The following ROBO1 variants were observed in gnomAD, a reference collection of about 807,000 sequenced individuals.
ROBO1 encodes the protein roundabout guidance receptor 1.
ROBO1 carries 149 observed loss-of-function variants against 195.9 expected under a neutral mutation model. The observed-to-expected ratio is 0.76, with a 90% confidence interval of 0.67 to 0.87. The LOEUF (loss-of-function observed/expected upper bound fraction) is 0.87, where lower values mean the gene tolerates loss of function less well. Ranked by LOEUF, ROBO1 falls within the 40% of genes least tolerant of loss-of-function variation. The pLI, the probability that ROBO1 is intolerant of heterozygous loss-of-function variation, is 0.00. For missense variants in ROBO1, 1,933 were observed against 2,068.3 expected, an observed-to-expected ratio of 0.93 and a Z score of 1.27; for synonymous variants, 816 against 733.2, an observed-to-expected ratio of 1.11 and a Z score of -1.82.
chr3:78,963,509 T>C (rs866705870), intron 3 of ROBO1, among the ~76,000 whole-genome samples: 28 of 135,032 alleles, frequency 2.1e-4, no homozygotes, highest in African/African-American at 5.8e-4. Flanking sequence ...TTTTTTTTTT[T>C]TTTTTTTTTT....
intron 2 of ROBO1, among the ~76,000 whole-genome samples, chr3:79,494,680 C>T (rs1204764852): frequency 6.6e-6 from 1 of 152,030 alleles, no homozygotes; most frequent in African/African-American, 2.4e-5. Context: ...GTAAAGAAAG[C>T]ACTTTTGGCA....
At chr3:79,249,612 T>C (rs761441736) in intron 2 of ROBO1, among the ~76,000 whole-genome samples, 16 of 152,206 alleles carry the variant, frequency 1.1e-4, no homozygotes, top group Non-Finnish European at 2.1e-4. Context: ...CTATATGGCA[T>C]AAGCAAATGT....
chr3:79,650,510 ATTCT>A (rs1287457387), intron 1 of ROBO1, among the ~76,000 whole-genome samples: 6 of 151,770 alleles, frequency 4.0e-5, no homozygotes, highest in Non-Finnish European at 1.5e-5. Context: ...AAAATACATA[ATTCT>A]TTATGTATAT....
At chr3:79,104,104 TG>T (rs2079730499) in intron 3 of ROBO1, among the ~76,000 whole-genome samples, 1 of 151,710 alleles carries the variant, frequency 6.6e-6, no homozygotes, top group Non-Finnish European at 1.5e-5. Context: ...GATTTTGATT[TG>T]TTGGCCGGAA....
At chr3:78,739,119 T>C (rs1242462762) in intron 5 of ROBO1, among the ~76,000 whole-genome samples, 2 of 152,186 alleles carry the variant, frequency 1.3e-5, no homozygotes, top group East Asian at 3.8e-4. Flanking sequence ...ATTTGAAGCA[T>C]GAAAAGATGA....
chr3:79,553,362 C>A (rs1168254440), intron 2 of ROBO1, among the ~76,000 whole-genome samples: 1 of 152,012 alleles, frequency 6.6e-6, no homozygotes, highest in African/African-American at 2.4e-5. Flanking sequence ...TATTCGGATG[C>A]AGATACTGAA....
intron 2 of ROBO1, among the ~76,000 whole-genome samples, chr3:79,570,933 T>C (rs1943257527): frequency 6.6e-6 from 1 of 152,176 alleles, no homozygotes; most frequent in Non-Finnish European, 1.5e-5. Flanking sequence ...GTGATCATGT[T>C]AGCAACATTT....
At chr3:78,665,729 T>A (rs990882270) in intron 14 of ROBO1, among the ~76,000 whole-genome samples, 2 of 152,124 alleles carry the variant, frequency 1.3e-5, no homozygotes, top group Non-Finnish European at 2.9e-5. Context: ...GAGGAATGGG[T>A]ATGTTTAGCC....
intron 2 of ROBO1, among the ~76,000 whole-genome samples, chr3:79,239,915 T>C (rs1195416391): frequency 1.3e-5 from 2 of 152,152 alleles, no homozygotes; most frequent in African/African-American, 4.8e-5. Context: ...TAAACTTGTA[T>C]ATATTTATGG....
intron 2 of ROBO1, among the ~76,000 whole-genome samples, chr3:79,331,077 T>C (rs1231877553): frequency 6.6e-6 from 1 of 152,174 alleles, no homozygotes; most frequent in African/African-American, 2.4e-5. Context: ...AAAATAAATA[T>C]TTGCATTGAT....
chr3:78,807,258 C>A (rs2084574215), intron 4 of ROBO1, among the ~76,000 whole-genome samples: 2 of 152,158 alleles, frequency 1.3e-5, no homozygotes, highest in Admixed American at 1.3e-4. Flanking sequence ...ATTTTTATTA[C>A]TATTTTTCTC....
At chr3:79,232,543 G>A (rs1411460767) in intron 2 of ROBO1, among the ~76,000 whole-genome samples, 1 of 151,624 alleles carries the variant, frequency 6.6e-6, no homozygotes, top group African/African-American at 2.4e-5. Context: ...TCAATCTTGT[G>A]TAGGGCAAGA....
At chr3:79,077,836 G>A (rs1248707096) in intron 3 of ROBO1, among the ~76,000 whole-genome samples, 1 of 151,806 alleles carries the variant, frequency 6.6e-6, no homozygotes, top group Non-Finnish European at 1.5e-5. Context: ...TAAAATTTTT[G>A]TTGTCTTGTG....
At chr3:78,780,456 A>AT (rs527553669) in intron 4 of ROBO1, among the ~76,000 whole-genome samples, 11 of 150,280 alleles carry the variant, frequency 7.3e-5, no homozygotes, top group Admixed American at 3.3e-4. Context: ...GTATTTCTAG[A>AT]TTTTTTTTTT....
At chr3:79,285,144 G>A (rs905977587) in intron 2 of ROBO1, among the ~76,000 whole-genome samples, 3 of 151,964 alleles carry the variant, frequency 2.0e-5, no homozygotes, top group African/African-American at 4.8e-5. Context: ...ATGTTCTTAC[G>A]AAGCATTTAT....
chr3:79,472,333 C>A (rs554878780), intron 2 of ROBO1, among the ~76,000 whole-genome samples: 1 of 152,114 alleles, frequency 6.6e-6, no homozygotes, highest in African/African-American at 2.4e-5. Context: ...TAGAACAACC[C>A]AGAAGTCAGA....
At chr3:79,728,564 A>G (rs1272458520) in intron 1 of ROBO1, among the ~76,000 whole-genome samples, 1 of 152,202 alleles carries the variant, frequency 6.6e-6, no homozygotes, top group East Asian at 1.9e-4. Context: ...AAAATAAATC[A>G]CATTTTAATA....
intron 3 of ROBO1, among the ~76,000 whole-genome samples, chr3:79,091,018 A>G (rs2079470993): frequency 6.6e-6 from 1 of 152,056 alleles, no homozygotes; most frequent in Admixed American, 6.5e-5. Context: ...GTTCTCTTTT[A>G]TGCTTTCAGA....
intron 2 of ROBO1, among the ~76,000 whole-genome samples, chr3:79,173,421 C>T (rs1299337196): frequency 7.9e-5 from 12 of 151,894 alleles, no homozygotes; most frequent in Non-Finnish European, 1.0e-4. Context: ...TCGGCGGGCC[C>T]GCACTCCGAG....
Sources: allele counts gnomAD v4.1 joint callset (sites outside exome capture counted in the v4.1 genomes callset), GRCh38; gene constraint gnomAD v4.1.1; transcripts MANE v1.5; gene names NCBI Gene and HGNC (gene_info 2026-07-23, HGNC 2026-07-21).